MAF: variants seen among roughly 807,000 people sequenced by gnomAD.
MAF encodes the protein transcription factor Maf.
MAF carries 10 observed loss-of-function variants against 22.0 expected under a neutral mutation model. The ratio of observed to expected loss-of-function variants is 0.45; its 90% confidence interval spans 0.28 to 0.77. The LOEUF is 0.77. Among genes scored for constraint, MAF ranks in the 30% least tolerant of loss-of-function variants. The pLI, the probability that MAF is intolerant of heterozygous loss-of-function variation, is 0.12. For synonymous variants in MAF, 337 were observed against 255.8 expected (o/e 1.32, Z -3.03); for missense variants, 544 against 548.4 (o/e 0.99, Z 0.08).
chr16:79,392,078 T>C, the MAF span, among the ~76,000 whole-genome samples: 1 of 121,278 alleles, frequency 8.2e-6, no homozygotes, highest in African/African-American at 3.3e-5. Context: ...ACAGAGGAGA[T>C]GCAGAGAAAG....
the MAF span, among the ~76,000 whole-genome samples, chr16:79,207,128 C>G: frequency 6.6e-6 from 1 of 152,070 alleles, no homozygotes; most frequent in South Asian, 2.1e-4. Context: ...TCTATTCCAC[C>G]TGTGACATGA....
chr16:79,326,803 G>C, the MAF span, among the ~76,000 whole-genome samples: 1 of 152,186 alleles, frequency 6.6e-6, no homozygotes, highest in African/African-American at 2.4e-5. Context: ...CTGACCTAGG[G>C]TGCTGAGAAA....
the MAF span, among the ~76,000 whole-genome samples, chr16:79,279,706 G>T: frequency 6.6e-6 from 1 of 152,158 alleles, no homozygotes; most frequent in South Asian, 2.1e-4. Context: ...GTTGCCTCGC[G>T]CAGGGGTTCT....
intron 1 of MAF, 193 bp from the exon 2 acceptor site, chr16:79,594,746 C>A (rs1913413553): frequency 7.9e-6 from 11 of 1,387,594 alleles, no homozygotes; most frequent in Non-Finnish European, 1.0e-5. Flanking sequence ...GCTACTCCCA[C>A]TATACTTCAA....
At chr16:79,419,837 A>C in the MAF span, among the ~76,000 whole-genome samples, 1 of 152,120 alleles carries the variant, frequency 6.6e-6, no homozygotes. Context: ...TGATCTGTTC[A>C]TCCATTAACC....
the MAF span, among the ~76,000 whole-genome samples, chr16:79,449,998 C>T: frequency 2.0e-5 from 3 of 152,194 alleles, no homozygotes; most frequent in African/African-American, 4.8e-5. Flanking sequence ...ACAGACGCCG[C>T]TAAAACAATT....
chr16:79,475,748 G>C, the MAF span, among the ~76,000 whole-genome samples: 2 of 152,046 alleles, frequency 1.3e-5, no homozygotes, highest in African/African-American at 4.8e-5. Flanking sequence ...ATTAAGTGGG[G>C]GTGTGGAGTG....
chr16:79,310,782 C>CCTTT, the MAF span, among the ~76,000 whole-genome samples: 3 of 152,214 alleles, frequency 2.0e-5, no homozygotes, highest in African/African-American at 4.8e-5. Flanking sequence ...GCTCCTGCTG[C>CCTTT]TAAAAGGAAA....
chr16:79,370,111 T>C, the MAF span, among the ~76,000 whole-genome samples: 1 of 152,162 alleles, frequency 6.6e-6, no homozygotes, highest in Non-Finnish European at 1.5e-5. Context: ...TTCTCTCCTC[T>C]AAAAGTCTCC....
chr16:79,568,365 C>A, the MAF span, among the ~76,000 whole-genome samples: 3 of 152,152 alleles, frequency 2.0e-5, no homozygotes, highest in Admixed American at 6.5e-5. Context: ...ATCAGACAGA[C>A]CTGGGTTCAA....
downstream of MAF, among the ~76,000 whole-genome samples, chr16:79,581,017 T>G (rs1299013909): frequency 6.6e-6 from 1 of 152,134 alleles, no homozygotes; most frequent in African/African-American, 2.4e-5. Context: ...TGGCTACCCT[T>G]ACTGCTGAGA....
the MAF span, among the ~76,000 whole-genome samples, chr16:79,251,868 GA>G: frequency 6.6e-6 from 1 of 152,186 alleles, no homozygotes; most frequent in African/African-American, 2.4e-5. Context: ...TTTTTTGTAA[GA>G]AAAGCCTTGA....
At chr16:79,427,324 G>A in the MAF span, among the ~76,000 whole-genome samples, 4 of 152,194 alleles carry the variant, frequency 2.6e-5, no homozygotes, top group Non-Finnish European at 1.5e-5. Flanking sequence ...AGGGCACTTT[G>A]CTTGTCCATC....
At chr16:79,353,726 T>G in the MAF span, among the ~76,000 whole-genome samples, 98,361 of 151,930 alleles carry the variant, frequency 0.65, 33,808 homozygotes, top group African/African-American at 0.88. Context: ...ACTTGGCTAA[T>G]AGTATACAGT....
chr16:79,277,183 G>T, the MAF span, among the ~76,000 whole-genome samples: 4 of 152,218 alleles, frequency 2.6e-5, no homozygotes, highest in East Asian at 5.8e-4. Context: ...TTAGGCAGAC[G>T]CCAGTAATTG....
At chr16:79,282,703 G>A in the MAF span, among the ~76,000 whole-genome samples, 2 of 152,188 alleles carry the variant, frequency 1.3e-5, no homozygotes, top group East Asian at 1.9e-4. Context: ...AATCAAAACT[G>A]TAAGTAGATC....
chr16:79,303,906 G>C, the MAF span, among the ~76,000 whole-genome samples: 1 of 152,038 alleles, frequency 6.6e-6, no homozygotes, highest in Admixed American at 6.5e-5. Context: ...TCAAAATGCG[G>C]GGAGAAAAAA....
chr16:79,412,259 C>A, the MAF span, among the ~76,000 whole-genome samples: 2 of 152,156 alleles, frequency 1.3e-5, no homozygotes, highest in Non-Finnish European at 2.9e-5. Flanking sequence ...CAGTTGTGTT[C>A]AGATAAAGGG....
At chr16:79,538,100 T>C in the MAF span, among the ~76,000 whole-genome samples, 3 of 152,224 alleles carry the variant, frequency 2.0e-5, no homozygotes, top group African/African-American at 2.4e-5. Flanking sequence ...GCATTATTTT[T>C]CCTTTTCACT....
Sources: gnomAD v4.1 joint callset for allele counts (sites outside exome capture counted in the v4.1 genomes callset) on GRCh38, gnomAD v4.1.1 for gene constraint, MANE v1.5 for transcripts, NCBI Gene and HGNC (gene_info 2026-07-23, HGNC 2026-07-21) for gene names.